The following CTNNA3 variants were observed in gnomAD, a reference collection of about 807,000 sequenced individuals.
The protein encoded by CTNNA3 is catenin alpha 3.
Under a neutral mutation model 95.7 loss-of-function variants are expected in CTNNA3, and 76 were observed. That is an observed-to-expected ratio of 0.79 (90% CI 0.66 to 0.96). The LOEUF is 0.96. CTNNA3 is among the 40% of genes least tolerant of loss of function. The probability of loss-of-function intolerance (pLI) is 0.00; values close to 1 mark genes in which losing one functional copy is unlikely to be tolerated. For missense variants in CTNNA3, 1,191 were observed against 1,089.8 expected, an observed-to-expected ratio of 1.09 and a Z score of -1.31; for synonymous variants, 431 against 374.4, an observed-to-expected ratio of 1.15 and a Z score of -1.74.
At chr10:67,441,649 T>A (rs1395800526) in intron 5 of CTNNA3, among the ~76,000 whole-genome samples, 2 of 151,612 alleles carry the variant, frequency 1.3e-5, no homozygotes, top group African/African-American at 4.9e-5. Context: ...CAGGAGAGAG[T>A]GGTATTACAT....
intron 9 of CTNNA3, among the ~76,000 whole-genome samples, chr10:66,731,496 C>A (rs953465784): frequency 6.6e-6 from 1 of 152,058 alleles, no homozygotes; most frequent in South Asian, 2.1e-4. Context: ...ATAACTCTGG[C>A]ACGTAAGTCT....
chr10:66,333,369 GT>G (rs1468361492), intron 12 of CTNNA3, among the ~76,000 whole-genome samples: 2 of 151,802 alleles, frequency 1.3e-5, no homozygotes, highest in Non-Finnish European at 2.9e-5. Flanking sequence ...GGCCTTTAGT[GT>G]TATAAATTTC....
At chr10:67,756,384 C>T (rs182461533) in intron 1 of CTNNA3, among the ~76,000 whole-genome samples, 2 of 152,228 alleles carry the variant, frequency 1.3e-5, no homozygotes, top group Non-Finnish European at 2.9e-5. Flanking sequence ...ATCCTAACTA[C>T]ACCAATTTAA....
intron 13 of CTNNA3, among the ~76,000 whole-genome samples, chr10:66,205,355 T>C (rs909623261): frequency 5.9e-5 from 9 of 152,116 alleles, no homozygotes; most frequent in Non-Finnish European, 1.2e-4. Flanking sequence ...AAGTCACAGT[T>C]TCCAAGAACT....
intron 7 of CTNNA3, among the ~76,000 whole-genome samples, chr10:67,009,963 C>A (rs1852221074): frequency 6.6e-6 from 1 of 152,156 alleles, no homozygotes; most frequent in South Asian, 2.1e-4. Flanking sequence ...AGAACCCTGT[C>A]ATTCTAGTAT....
intron 10 of CTNNA3, among the ~76,000 whole-genome samples, chr10:66,616,660 A>G (rs1472895610): frequency 6.6e-6 from 1 of 152,104 alleles, no homozygotes; most frequent in Non-Finnish European, 1.5e-5. Flanking sequence ...AGTAAGAACC[A>G]GAACAACTCA....
chr10:66,195,507 T>C (rs2131896142), intron 13 of CTNNA3, among the ~76,000 whole-genome samples: 1 of 152,244 alleles, frequency 6.6e-6, no homozygotes, highest in Admixed American at 6.5e-5. Flanking sequence ...GATACATACA[T>C]AATAGCCCTG....
intron 5 of CTNNA3, among the ~76,000 whole-genome samples, chr10:67,290,843 C>A (rs991903067): frequency 6.6e-6 from 1 of 152,154 alleles, no homozygotes. Flanking sequence ...TCTGCAACCC[C>A]TCGCAGCTAT....
chr10:66,736,569 T>C (rs1484038925), intron 9 of CTNNA3, among the ~76,000 whole-genome samples: 5 of 152,180 alleles, frequency 3.3e-5, no homozygotes, highest in African/African-American at 1.2e-4. Context: ...TACCTGTTTA[T>C]TAATAATAAG....
intron 10 of CTNNA3, among the ~76,000 whole-genome samples, chr10:66,520,994 TA>T (rs1199145506): frequency 1.3e-5 from 2 of 151,300 alleles, no homozygotes; most frequent in Non-Finnish European, 2.9e-5. Context: ...AAATGGAATT[TA>T]AAAAAATCTG....
intron 7 of CTNNA3, among the ~76,000 whole-genome samples, chr10:67,132,436 G>A (rs1860063446): frequency 6.6e-6 from 1 of 152,024 alleles, no homozygotes; most frequent in Non-Finnish European, 1.5e-5. Flanking sequence ...GTGTTTCCAG[G>A]GAGATGAAAG....
chr10:66,531,879 AT>A (rs1199484049), intron 10 of CTNNA3, among the ~76,000 whole-genome samples: 2 of 152,136 alleles, frequency 1.3e-5, no homozygotes, highest in African/African-American at 4.8e-5. Context: ...GGCAACAGAG[AT>A]TTTTTGATCC....
At position 66,935,603 on chromosome 10, in the gene CTNNA3, C is replaced by A. The variant is rs560903740; in HGVS notation, c.1048-160079G>T. ...ATTACATACGTATTTGTATTTCCACCAAGGTACGTATGTTGTACATGCCTA... is the reference window on the plus strand; with the variant it reads ...ATTACATACGTATTTGTATTTCCACAAAGGTACGTATGTTGTACATGCCTA... On this transcript the variant is annotated intron_variant, in intron 7 of 17. Transcript: ENST00000433211. 4.4e-4 allele frequency among the ~76,000 whole-genome samples: 67 copies of A among 151,946 alleles called. No individual in the cohort carries two copies. The South Asian group carries it at 0.014, about 31-fold the overall frequency.
intron 7 of CTNNA3, among the ~76,000 whole-genome samples, chr10:67,095,270 A>G (rs1270076440): frequency 2.6e-5 from 4 of 151,658 alleles, no homozygotes; most frequent in African/African-American, 4.8e-5. Flanking sequence ...TCTCAATTAC[A>G]TGGAAATGAT....
chr10:66,273,938 G>A (rs1217712898), intron 13 of CTNNA3, among the ~76,000 whole-genome samples: 4 of 151,940 alleles, frequency 2.6e-5, no homozygotes, highest in African/African-American at 9.7e-5. Context: ...AGGTGGTCGT[G>A]TAGCTCCAGG....
intron 7 of CTNNA3, among the ~76,000 whole-genome samples, chr10:67,086,353 T>A (rs1857307144): frequency 6.6e-6 from 1 of 152,022 alleles, no homozygotes; most frequent in South Asian, 2.1e-4. Context: ...GGACAGAATA[T>A]CACTTCATTT....
chr10:67,607,139 C>A, intron 2 of CTNNA3, 90 bp from the exon 3 acceptor site: 1 of 1,051,756 alleles, frequency 9.5e-7, no homozygotes, highest in Non-Finnish European at 1.4e-6. Flanking sequence ...AAAGACAGTA[C>A]AGTTGACACT....
intron 5 of CTNNA3, among the ~76,000 whole-genome samples, chr10:67,237,157 TATATATATATATATATAC>T (rs1865520454): frequency 1.1e-5 from 1 of 91,700 alleles, no homozygotes; most frequent in South Asian, 3.2e-4. Context: ...TATATATATA[TATATATATATATATATAC>T]ACACACAATG....
intron 1 of CTNNA3, among the ~76,000 whole-genome samples, chr10:67,737,646 A>G (rs893103597): frequency 1.3e-5 from 2 of 152,246 alleles, no homozygotes; most frequent in African/African-American, 2.4e-5. Flanking sequence ...CAAAAGACAC[A>G]TGAAAAAATG....
Sources: gnomAD v4.1 joint callset for allele counts (sites outside exome capture counted in the v4.1 genomes callset) on GRCh38, gnomAD v4.1.1 for gene constraint, MANE v1.5 for transcripts, NCBI Gene and HGNC (gene_info 2026-07-23, HGNC 2026-07-21) for gene names.